Variants in SLC49A4 observed in about 807,000 individuals in gnomAD.
SLC49A4 encodes the protein solute carrier family 49 member 4.
SLC49A4 carries 36 observed loss-of-function variants against 50.6 expected under a neutral mutation model. The ratio of observed to expected loss-of-function variants is 0.71; its 90% CI spans 0.55 to 0.94. SLC49A4 has a LOEUF of 0.94. Among genes scored for constraint, SLC49A4 ranks in the 40% least tolerant of loss-of-function variants. The pLI is 0.00. For missense variants in SLC49A4, 503 were observed against 605.7 expected, an observed-to-expected ratio of 0.83 and a Z score of 1.78; for synonymous variants, 248 against 241.2, an observed-to-expected ratio of 1.03 and a Z score of -0.26.
intron 5 of SLC49A4, among the ~76,000 whole-genome samples, chr3:122,855,054 C>T (rs966275805): frequency 5.3e-5 from 8 of 151,654 alleles, no homozygotes; most frequent in Admixed American, 5.2e-4. Flanking sequence ...GATCGTGCCA[C>T]TGCACTCCAG....
At chr3:122,844,415 T>G (rs1457289461) in intron 4 of SLC49A4, among the ~76,000 whole-genome samples, 2 of 152,128 alleles carry the variant, frequency 1.3e-5, no homozygotes, top group East Asian at 3.9e-4. Context: ...GAAATAATAT[T>G]GGTTATCTGT....
chr3:122,860,866 C>T (rs1178064936), intron 7 of SLC49A4, among the ~76,000 whole-genome samples: 2 of 152,160 alleles, frequency 1.3e-5, no homozygotes, highest in African/African-American at 4.8e-5. Context: ...AAGTTCAATA[C>T]AGGTCTCACT....
At chr3:122,837,542 C>A (rs1168422156) in intron 4 of SLC49A4, among the ~76,000 whole-genome samples, 1 of 152,116 alleles carries the variant, frequency 6.6e-6, no homozygotes, top group Non-Finnish European at 1.5e-5. Flanking sequence ...CTTCCTTACA[C>A]CTTATACAAA....
intron 1 of SLC49A4, among the ~76,000 whole-genome samples, chr3:122,805,677 A>T (rs1338026600): frequency 6.6e-6 from 1 of 152,240 alleles, no homozygotes; most frequent in Admixed American, 6.5e-5. Context: ...ACAGTAAGAT[A>T]TGTTAATTTA....
chr3:122,795,139 G>T lies in SLC49A4; in HGVS notation c.-54G>T. ...CTCAGGACTATTCTGCGCTGGGCTA[G>T]TCGGCGGTGACCCGGACTGCGCCCG... On this transcript the variant is annotated 5_prime_UTR_variant, in exon 1 of 9. Coordinates refer to ENST00000261038, the MANE Select transcript of SLC49A4 (RefSeq NM_032839.3). The T allele has an allele frequency of 7.7e-7, 1 of 1,301,036 alleles. No homozygotes were observed. Among genetic ancestry groups the T allele is most frequent in the Non-Finnish European group, 9.7e-7 (1 of 1,033,140 alleles). 80.6% of individuals were successfully genotyped at this position (1,301,036 alleles called of 1,614,324 possible). A position where few individuals can be genotyped will look rare whatever the true frequency, so the allele number is the denominator to read the frequency against.
intron 1 of SLC49A4, among the ~76,000 whole-genome samples, chr3:122,797,094 A>G (rs928928789): frequency 3.9e-5 from 6 of 152,226 alleles, no homozygotes; most frequent in Non-Finnish European, 7.3e-5. Context: ...ATTGGAATCC[A>G]TGTGAAAAAG....
chr3:122,803,039 A>G (rs1936156476), intron 1 of SLC49A4, among the ~76,000 whole-genome samples: 1 of 152,154 alleles, frequency 6.6e-6, no homozygotes, highest in Non-Finnish European at 1.5e-5. Context: ...TGAAGAAATA[A>G]TGGCAGAACA....
intron 2 of SLC49A4, among the ~76,000 whole-genome samples, chr3:122,823,707 G>A (rs1446088258): frequency 6.6e-6 from 1 of 151,802 alleles, no homozygotes; most frequent in East Asian, 1.9e-4. Context: ...GATGTCTTAG[G>A]GTCAATATTT....
rs1229919682 is a variant in SLC49A4 at position 122,880,213 on chromosome 3, G to A, written c.*835G>A. 6.6e-6 allele frequency: 1 copy of A among 152,218 alleles called. No homozygotes were observed. The highest frequency in any genetic ancestry group is 1.9e-4 in the East Asian group (1 of 5,202). 9.4% of individuals were successfully genotyped at this position (152,218 alleles called of 1,614,324 possible). A position where few individuals can be genotyped will look rare whatever the true frequency, so the allele number is the denominator to read the frequency against. On this transcript the variant is annotated 3_prime_UTR_variant, in exon 9 of 9. Coordinates refer to ENST00000261038, the MANE Select transcript of SLC49A4 (RefSeq NM_032839.3). ...GTCTTCTGCCTGTATATGGTGGCATGAGATGTAATGTCCAGAGCCAACAAT... is the reference window on the plus strand; with the variant it reads ...GTCTTCTGCCTGTATATGGTGGCATAAGATGTAATGTCCAGAGCCAACAAT...
intron 2 of SLC49A4, among the ~76,000 whole-genome samples, chr3:122,817,364 G>C (rs142057012): frequency 0.033 from 5,029 of 152,240 alleles, 123 homozygotes; most frequent in Middle Eastern, 0.078. Flanking sequence ...TTCTCTTCTA[G>C]AGCCTCTTGA....
At chr3:122,838,382 AATG>A (rs1168221695) in intron 4 of SLC49A4, among the ~76,000 whole-genome samples, 1 of 152,180 alleles carries the variant, frequency 6.6e-6, no homozygotes, top group Non-Finnish European at 1.5e-5. Flanking sequence ...AGCCATAAAA[AATG>A]ATGAGTTCAT....
chr3:122,820,863 C>T (rs926017116), intron 2 of SLC49A4, among the ~76,000 whole-genome samples: 1 of 152,234 alleles, frequency 6.6e-6, no homozygotes, highest in African/African-American at 2.4e-5. Flanking sequence ...TAGTCTCCAC[C>T]ATTCCTGCTC....
At chr3:122,827,677 C>A (rs936279182) in intron 3 of SLC49A4, among the ~76,000 whole-genome samples, 27 of 152,244 alleles carry the variant, frequency 1.8e-4, no homozygotes, top group African/African-American at 5.8e-4. Context: ...TCTCTATATC[C>A]CTGTTTGTTA....
chr3:122,822,789 C>A (rs1380013105), intron 2 of SLC49A4, among the ~76,000 whole-genome samples: 1 of 137,284 alleles, frequency 7.3e-6, no homozygotes, highest in East Asian at 1.9e-4. Flanking sequence ...GTTTCTTCCC[C>A]ACCCCAATCC....
At chr3:122,854,991 G>A (rs902794911) in intron 5 of SLC49A4, among the ~76,000 whole-genome samples, 1 of 152,072 alleles carries the variant, frequency 6.6e-6, no homozygotes, top group African/African-American at 2.4e-5. Context: ...TACTCAGGAG[G>A]CTGAGGCAGG....
chr3:122,870,844 TA>T, intron 7 of SLC49A4, among the ~76,000 whole-genome samples: 1 of 75,134 alleles, frequency 1.3e-5, no homozygotes, highest in Non-Finnish European at 2.7e-5. Flanking sequence ...TAATAATAAT[TA>T]ATTAATAATT....
In SLC49A4 at chr3:122,879,559, C is replaced by G. The variant is rs564737609; in HGVS notation, c.*181C>G. 5.5e-5 allele frequency: 28 copies of G among 512,116 alleles called. 1 individual carries two copies. The East Asian group carries it at 9.3e-4, about 17-fold the overall frequency. 31.7% of individuals were successfully genotyped at this position (512,116 alleles called of 1,614,324 possible). Reference sequence around the variant, plus strand: ...ACTACTAGGTAATAATAATGGGAGACTTGAGTGATAATAGGGGATTTTAAA... The same window carrying G: ...ACTACTAGGTAATAATAATGGGAGAGTTGAGTGATAATAGGGGATTTTAAA... On this transcript the variant is annotated 3_prime_UTR_variant, in exon 9 of 9. Coordinates refer to ENST00000261038, the MANE Select transcript of SLC49A4 (RefSeq NM_032839.3).
At chr3:122,854,755 T>G (rs1306773447) in intron 5 of SLC49A4, among the ~76,000 whole-genome samples, 3 of 152,184 alleles carry the variant, frequency 2.0e-5, no homozygotes, top group East Asian at 3.9e-4. Context: ...GAAGAAATCG[T>G]TTGGTGGACA....
At chr3:122,853,912 C>T (rs2107577159) in intron 5 of SLC49A4, among the ~76,000 whole-genome samples, 1 of 152,300 alleles carries the variant, frequency 6.6e-6, no homozygotes, top group South Asian at 2.1e-4. Context: ...TTTAAAATTA[C>T]ATGAAAGCAA....
Sources: gnomAD v4.1 joint callset for allele counts (sites outside exome capture counted in the v4.1 genomes callset) on GRCh38, gnomAD v4.1.1 for gene constraint, MANE v1.5 for transcripts, NCBI Gene and HGNC (gene_info 2026-07-23, HGNC 2026-07-21) for gene names.